The following CDCP1 variants were observed in gnomAD, a reference collection of about 807,000 sequenced individuals.
CDCP1 encodes the protein CUB domain containing protein 1, also known as CUB domain-containing protein 1.
In CDCP1, 29 loss-of-function variants were observed where a neutral mutation model predicts 60.2. That is an observed-to-expected ratio of 0.48 (90% confidence interval 0.36 to 0.66). The LOEUF (loss-of-function observed/expected upper bound fraction) is 0.66, where lower values mean the gene tolerates loss of function less well. Ranked by LOEUF, CDCP1 falls within the 30% of genes least tolerant of loss-of-function variation. CDCP1 has a pLI of 0.00. For missense variants in CDCP1, 876 were observed against 1,074.3 expected (o/e 0.82, Z 2.58); for synonymous variants, 387 against 431.1 (o/e 0.90, Z 1.27).
intron 1 of CDCP1, among the ~76,000 whole-genome samples, chr3:45,138,211 A>C (rs1441882012): frequency 2.6e-5 from 4 of 152,194 alleles, no homozygotes; most frequent in Non-Finnish European, 4.4e-5. Context: ...TTTTTTAAAA[A>C]CTTGTTCTAG....
chr3:45,121,280 A>T (rs1698879263), intron 1 of CDCP1, among the ~76,000 whole-genome samples: 1 of 152,206 alleles, frequency 6.6e-6, no homozygotes, highest in African/African-American at 2.4e-5. Context: ...CAGTGTGGCC[A>T]TTTAGAATCT....
chr3:45,134,983 G>A (rs757654555), intron 1 of CDCP1, among the ~76,000 whole-genome samples: 29 of 152,210 alleles, frequency 1.9e-4, no homozygotes, highest in Non-Finnish European at 2.5e-4. Flanking sequence ...AGTCATGGTA[G>A]AAGATACATT....
At chr3:45,105,609 A>G (rs920078199) in intron 4 of CDCP1, among the ~76,000 whole-genome samples, 2 of 152,226 alleles carry the variant, frequency 1.3e-5, no homozygotes, top group African/African-American at 2.4e-5. Flanking sequence ...TCCAAAAGCT[A>G]GAAGAGGATG....
chr3:45,122,168 G>C (rs1309083525), intron 1 of CDCP1, among the ~76,000 whole-genome samples: 1 of 149,942 alleles, frequency 6.7e-6, no homozygotes, highest in Non-Finnish European at 1.5e-5. Flanking sequence ...TTTTGAGACG[G>C]AATCTCACTC....
chr3:45,111,929 C>T (rs535755932), intron 3 of CDCP1, among the ~76,000 whole-genome samples, 154 bp downstream of exon 3: 4 of 152,324 alleles, frequency 2.6e-5, no homozygotes, highest in East Asian at 1.9e-4. Context: ...ACTAGGAATG[C>T]ATGACCCATG....
At chr3:45,142,021 C>T (rs139545728) in intron 1 of CDCP1, among the ~76,000 whole-genome samples, 7 of 152,152 alleles carry the variant, frequency 4.6e-5, no homozygotes, top group African/African-American at 9.6e-5. Flanking sequence ...TTAGTACAGA[C>T]GGTGTTTTGC....
At chr3:45,115,246 CG>C (rs1174783710) in intron 2 of CDCP1, among the ~76,000 whole-genome samples, 1 of 88,212 alleles carries the variant, frequency 1.1e-5, no homozygotes, top group African/African-American at 4.5e-5. Flanking sequence ...TGGGGTGGGG[CG>C]GGGAAGTACA....
intron 4 of CDCP1, among the ~76,000 whole-genome samples, chr3:45,096,623 C>CAAAAAAAAAAAAAAA (rs5848726): frequency 1.9e-5 from 1 of 53,184 alleles, no homozygotes; most frequent in Non-Finnish European, 3.2e-5. Flanking sequence ...GACTCCGTCT[C>CAAAAAAAAAAAAAAA]AAAAAAAAAA....
intron 1 of CDCP1, among the ~76,000 whole-genome samples, chr3:45,125,614 C>T (rs1186151974): frequency 5.3e-5 from 8 of 152,144 alleles, no homozygotes; most frequent in Admixed American, 2.0e-4. Flanking sequence ...CTACTAGCAG[C>T]GATGGGGCAC....
Position 45,118,475 on chromosome 3 carries a change from CTA to C in CDCP1, c.227_228del (p.Ile76SerfsTer5). 1 of 1,614,152 alleles carries C rather than the reference CTA, an allele frequency of 6.2e-7. No homozygotes were observed. The highest frequency in any genetic ancestry group is 8.5e-7 in the Non-Finnish European group (1 of 1,180,010). ...TMLSIKSGER[I>X]VFTFSCQSPE... ...GGACTCTGGCAGCTAAAGGTAAAGA[CTA>C]TTCTTTCTCCAGACTTGATGGACAA... On this transcript the variant is annotated frameshift_variant, in exon 2 of 9. Transcript: ENST00000296129. LOFTEE classifies it high-confidence loss of function.
At chr3:45,145,026 G>T (rs1699354836) in intron 1 of CDCP1, among the ~76,000 whole-genome samples, 2 of 151,634 alleles carry the variant, frequency 1.3e-5, no homozygotes, top group Non-Finnish European at 2.9e-5. Flanking sequence ...TCCATGCCAT[G>T]GTTTAAATGA....
Position 45,085,991 on chromosome 3 carries a change from T to C in CDCP1, c.2158A>G (p.Lys720Glu). Residue 720 changes from lysine to glutamate, a missense_variant, in exon 9 of 9, where the codon AAA becomes GAA. By Grantham distance (56) the Lys-to-Glu change is moderately conservative (BLOSUM62 1). Coordinates refer to ENST00000296129, the MANE Select transcript of CDCP1 (RefSeq NM_022842.5). The surrounding 1 kb of genome is among the most constrained non-coding windows in gnomAD (Gnocchi z 4.2). ...NINTEMPRQP[K>E]KFQKGRKDND... Reference sequence around the variant, plus strand: ...TCCTTTCGCCCTTTCTGAAACTTTTTTGGCTGCCTCGGCATCTCAGTATTG... The same window carrying C: ...TCCTTTCGCCCTTTCTGAAACTTTTCTGGCTGCCTCGGCATCTCAGTATTG... 1 of 1,614,232 alleles carries C rather than the reference T, an allele frequency of 6.2e-7. No homozygotes were observed. Among genetic ancestry groups the C allele is most frequent in the Non-Finnish European group, 8.5e-7 (1 of 1,180,046 alleles).
intron 1 of CDCP1, 86 bp from the exon 2 acceptor site, chr3:45,118,707 G>T: frequency 9.6e-7 from 1 of 1,041,866 alleles, no homozygotes; most frequent in African/African-American, 1.6e-5. Flanking sequence ...GGTTCAGAGA[G>T]GATGTCCTCT....
chr3:45,082,854 T>C lies in CDCP1; in HGVS notation c.*2784A>G. Reference sequence around the variant, plus strand: ...CACTGTTTCCAGTGACCCTGAAATGTTTTACGTAAGTGGGGCCTGGGCTTT... The same window carrying C: ...CACTGTTTCCAGTGACCCTGAAATGCTTTACGTAAGTGGGGCCTGGGCTTT... On this transcript the variant is annotated 3_prime_UTR_variant, in exon 9 of 9. Coordinates refer to ENST00000296129, the MANE Select transcript of CDCP1 (RefSeq NM_022842.5). The C allele has an allele frequency of 6.6e-6, 1 of 152,194 alleles. No individual in the cohort carries two copies. The highest frequency in any genetic ancestry group is 1.5e-5 in the Non-Finnish European group (1 of 68,046). The allele number at this position is 152,194 out of a possible 1,614,324, so 9.4% of individuals were successfully genotyped here.
chr3:45,129,380 C>T (rs1484929891), intron 1 of CDCP1, among the ~76,000 whole-genome samples: 2 of 152,178 alleles, frequency 1.3e-5, no homozygotes, highest in Non-Finnish European at 2.9e-5. Context: ...AAGAGGACCA[C>T]AGAGGTAAGA....
chr3:45,140,519 C>T (rs1699271165), intron 1 of CDCP1, among the ~76,000 whole-genome samples: 1 of 152,214 alleles, frequency 6.6e-6, no homozygotes, highest in Admixed American at 6.5e-5. Flanking sequence ...ACTGGCCTTG[C>T]AGTCCTATGA....
Position 45,083,853 on chromosome 3 carries a change from G to A in CDCP1, c.*1785C>T, listed in dbSNP as rs1391921134. ...GAGCCCAGGAGGCAGAGGTTGCAGTGAGCCGAGATTGCGCCACTGCACTCC... is the reference window on the plus strand; with the variant it reads ...GAGCCCAGGAGGCAGAGGTTGCAGTAAGCCGAGATTGCGCCACTGCACTCC... On this transcript the variant is annotated 3_prime_UTR_variant, in exon 9 of 9. Transcript: ENST00000296129. The A allele has an allele frequency of 6.6e-6, 1 of 151,386 alleles. No homozygotes were observed. The highest frequency in any genetic ancestry group is 2.4e-5 in the African/African-American group (1 of 41,106). The allele number at this position is 151,386 out of a possible 1,614,324, so 9.4% of individuals were successfully genotyped here. A position where few individuals can be genotyped will look rare whatever the true frequency, so the allele number is the denominator to read the frequency against.
In CDCP1 at chr3:45,126,122, CTTTCTTTCTTTCTTTCTTTCTTTCT is replaced by C. The variant is rs1393733072; in HGVS notation, c.83-7526_83-7502del. 3.3e-3 allele frequency among the ~76,000 whole-genome samples: 444 copies of C among 135,334 alleles called. 2 individuals are homozygous for C. Among genetic ancestry groups the C allele is most frequent in the African/African-American group, 0.012 (422 of 35,776 alleles). 88.8% of individuals were successfully genotyped at this position (135,334 alleles called of 152,430 possible). A position where few individuals can be genotyped will look rare whatever the true frequency, so the allele number is the denominator to read the frequency against. ...TTTGTCTCTCTCTCTTTCTTTCTTT[CTTTCTTTCTTTCTTTCTTTCTTTCT>C]TTCTTTCTTTCTTTCTTTCTTTCTT... On this transcript the variant is annotated intron_variant, in intron 1 of 8. Transcript: ENST00000296129.
chr3:45,124,607 C>A (rs1012186716), intron 1 of CDCP1, among the ~76,000 whole-genome samples: 1 of 152,184 alleles, frequency 6.6e-6, no homozygotes. Context: ...ATAGCCCTGT[C>A]CTCTCTTAGG....
Sources: gnomAD v4.1 joint callset for allele counts (sites outside exome capture counted in the v4.1 genomes callset) on GRCh38, gnomAD v4.1.1 for gene constraint, Gnocchi (gnomAD v3.1) non-coding constraint, MANE v1.5 for transcripts, NCBI Gene and HGNC (gene_info 2026-07-23, HGNC 2026-07-21) for gene names.